Variants in CUEDC1 observed in about 807,000 individuals in gnomAD.
CUEDC1 encodes the protein CUE domain-containing protein 1.
In CUEDC1, 30 loss-of-function variants were observed where a neutral mutation model predicts 43.7. That is an observed-to-expected ratio of 0.69 (90% CI 0.51 to 0.93). CUEDC1 has a LOEUF of 0.93. Among genes scored for constraint, CUEDC1 ranks in the 40% least tolerant of loss-of-function variants. The pLI is 0.00. For synonymous variants in CUEDC1, 223 were observed against 223.6 expected (o/e 1.00, Z 0.02); for missense variants, 486 against 549.0 (o/e 0.89, Z 1.15).
chr17:57,948,304 C>G (rs980840343), intron 1 of CUEDC1, among the ~76,000 whole-genome samples: 11 of 152,280 alleles, frequency 7.2e-5, no homozygotes, highest in Middle Eastern at 3.4e-3. Flanking sequence ...TCCACTACTT[C>G]CAGGTTTCCT....
chr17:57,912,265 C>G (rs889005766), intron 1 of CUEDC1: 1 of 152,210 alleles, frequency 6.6e-6, no homozygotes, highest in Non-Finnish European at 1.5e-5. Context: ...GTCATAGGCT[C>G]CATTGTTCCC....
chr17:57,929,116 T>C (rs944825579), intron 1 of CUEDC1, among the ~76,000 whole-genome samples: 15 of 152,134 alleles, frequency 9.9e-5, no homozygotes, highest in Admixed American at 1.3e-4. Flanking sequence ...TTCCAGATGC[T>C]CCAAGACAGC....
chr17:57,916,130 C>T (rs550206008), intron 1 of CUEDC1, among the ~76,000 whole-genome samples: 1 of 152,366 alleles, frequency 6.6e-6, no homozygotes, highest in East Asian at 1.9e-4. Context: ...AAGGTCCCAC[C>T]AAAGAATCGA....
At chr17:57,945,319 G>A (rs1181271900) in intron 1 of CUEDC1, among the ~76,000 whole-genome samples, 1 of 152,136 alleles carries the variant, frequency 6.6e-6, no homozygotes, top group African/African-American at 2.4e-5. Flanking sequence ...AACCAATCTA[G>A]CATTCAGGAA....
At chr17:57,887,441 G>A (rs1208437005) in intron 1 of CUEDC1, among the ~76,000 whole-genome samples, 1 of 151,716 alleles carries the variant, frequency 6.6e-6, no homozygotes, top group Non-Finnish European at 1.5e-5. Flanking sequence ...TGAAACAGGT[G>A]CAAACTTGTT....
At chr17:57,884,918 A>AT (rs1436130510) in intron 2 of CUEDC1, among the ~76,000 whole-genome samples, 1 of 152,168 alleles carries the variant, frequency 6.6e-6, no homozygotes, top group Non-Finnish European at 1.5e-5. Context: ...AGGCACCTGC[A>AT]TTTTTAACAA....
intron 1 of CUEDC1, among the ~76,000 whole-genome samples, chr17:57,887,546 C>T (rs2074306127): frequency 6.8e-6 from 1 of 147,878 alleles, no homozygotes; most frequent in South Asian, 2.1e-4. Flanking sequence ...GGCTGGAGTA[C>T]AGTGCTGTGA....
At chr17:57,934,718 G>A (rs540376521) in intron 1 of CUEDC1, among the ~76,000 whole-genome samples, 1 of 152,000 alleles carries the variant, frequency 6.6e-6, no homozygotes, top group East Asian at 1.9e-4. Context: ...CTTCCCGATT[G>A]TTTTTTTGAG....
rs1019976539 is a variant in CUEDC1, at chr17:57,885,781, G to A, written c.-217C>T. 5.1e-6 allele frequency: 3 copies of A among 590,138 alleles called. No individual in the cohort carries two copies. The East Asian group carries it at 1.2e-4, about 24-fold the overall frequency. 36.6% of individuals were successfully genotyped at this position (590,138 alleles called of 1,614,324 possible). A position where few individuals can be genotyped will look rare whatever the true frequency, so the allele number is the denominator to read the frequency against. On this transcript the variant is annotated 5_prime_UTR_variant, in exon 2 of 11. Transcript: ENST00000577830. ...AGGCAGCCCTTGGAGAGCGGTCCTC[G>A]CGGGGCGGTGGCATGCGGGACCGGG... is the stretch of plus-strand genomic sequence containing the variant.
intron 1 of CUEDC1, among the ~76,000 whole-genome samples, chr17:57,899,572 C>T (rs1007625917): frequency 2.6e-5 from 4 of 152,152 alleles, no homozygotes; most frequent in African/African-American, 7.2e-5. Context: ...TGGGCACATA[C>T]AGCAGCACAT....
chr17:57,884,354 C>T (rs944639618), intron 2 of CUEDC1, among the ~76,000 whole-genome samples: 8 of 151,734 alleles, frequency 5.3e-5, no homozygotes, highest in East Asian at 1.9e-4. Flanking sequence ...CGCACCACCA[C>T]GCCTGGCTAA....
At chr17:57,871,769 C>T (rs1034956506) in intron 5 of CUEDC1, among the ~76,000 whole-genome samples, 3 of 152,142 alleles carry the variant, frequency 2.0e-5, no homozygotes, top group Non-Finnish European at 2.9e-5. Flanking sequence ...ACTAAAAATA[C>T]AAAAATCAGC....
intron 9 of CUEDC1, chr17:57,866,759 TG>T: frequency 1.8e-6 from 1 of 558,876 alleles, no homozygotes; most frequent in Non-Finnish European, 3.2e-6. Flanking sequence ...TCTGAGACCT[TG>T]GACAAGTTCT....
chr17:57,864,013 A>AG (rs1370803804), intron 10 of CUEDC1, among the ~76,000 whole-genome samples: 3 of 151,528 alleles, frequency 2.0e-5, no homozygotes, highest in Admixed American at 6.6e-5. Context: ...AAAAAAAAAA[A>AG]AAAAGAAAGA....
In CUEDC1 at chr17:57,908,736, G is replaced by A. The variant is rs534032797; in HGVS notation, c.-315-22857C>T. On this transcript the variant is annotated intron_variant, in intron 1 of 10. Coordinates refer to ENST00000577830, the MANE Select transcript of CUEDC1 (RefSeq NM_001271875.2). ...AATGTGACCAGGTGCAGTGGCTTAC[G>A]CCTGTAATCCCAGGACTTTGGGAGA... 6.6e-5 allele frequency among the ~76,000 whole-genome samples: 10 copies of A among 152,288 alleles called. No individual in the cohort carries two copies. In the South Asian group the frequency reaches 2.1e-3, roughly 32 times the overall value.
chr17:57,925,174 T>C (rs976762188), intron 1 of CUEDC1, among the ~76,000 whole-genome samples: 4 of 151,808 alleles, frequency 2.6e-5, no homozygotes, highest in Non-Finnish European at 5.9e-5. Context: ...GCCGTAGTAC[T>C]GAAATTATCA....
chr17:57,868,461 G>A, intron 7 of CUEDC1: 1 of 580,304 alleles, frequency 1.7e-6, no homozygotes. Context: ...TCAGCCTGCA[G>A]GGGCAGCACA....
At chr17:57,929,452 G>T (rs2074781952) in intron 1 of CUEDC1, among the ~76,000 whole-genome samples, 1 of 152,064 alleles carries the variant, frequency 6.6e-6, no homozygotes, top group Non-Finnish European at 1.5e-5. Context: ...TGTTAGTTGT[G>T]GGTCCTTACC....
At chr17:57,902,227 A>C (rs531365099) in intron 1 of CUEDC1, among the ~76,000 whole-genome samples, 1 of 152,054 alleles carries the variant, frequency 6.6e-6, no homozygotes, top group South Asian at 2.1e-4. Flanking sequence ...AACAAAAAAA[A>C]CCATGATGCA....
Sources: allele counts gnomAD v4.1 joint callset (sites outside exome capture counted in the v4.1 genomes callset), GRCh38; gene constraint gnomAD v4.1.1; transcripts MANE v1.5; gene names NCBI Gene and HGNC (gene_info 2026-07-23, HGNC 2026-07-21).